Variants in ATP9B observed in about 807,000 individuals in gnomAD.
The protein encoded by ATP9B is ATPase phospholipid transporting 9B.
ATP9B carries 110 observed loss-of-function variants against 146.1 expected under a neutral mutation model. That is an observed-to-expected ratio of 0.75 (90% CI 0.65 to 0.88). The LOEUF (loss-of-function observed/expected upper bound fraction) is 0.88. ATP9B is among the 40% of genes least tolerant of loss of function. The probability of loss-of-function intolerance (pLI) is 0.00; values close to 1 mark genes in which losing one functional copy is unlikely to be tolerated. For missense variants in ATP9B, 1,499 were observed against 1,496.4 expected (o/e 1.00, Z -0.03); for synonymous variants, 604 against 569.7 (o/e 1.06, Z -0.86).
rs1473239751 is a variant in ATP9B, at chr18:79,284,962, C to A, written c.1411+7766C>A. On this transcript the variant is annotated intron_variant, in intron 13 of 29. Coordinates refer to ENST00000426216, the MANE Select transcript of ATP9B (RefSeq NM_198531.5). ...AAAGGACATGAACTCATCATTTTTT[C>A]TGGCTGCATAGTATTCCATGCTGTA... Among the ~76,000 whole-genome samples the A allele has an allele frequency of 7.0e-4, 106 of 152,226 alleles. 1 individual carries two copies. Among genetic ancestry groups the A allele is most frequent in the African/African-American group, 2.0e-3 (83 of 41,534 alleles).
intron 11 of ATP9B, among the ~76,000 whole-genome samples, chr18:79,233,299 A>C (rs1195383261): frequency 1.3e-5 from 2 of 152,134 alleles, no homozygotes; most frequent in Non-Finnish European, 2.9e-5. Flanking sequence ...GAAAAAAAAA[A>C]GATACAACTA....
At chr18:79,136,770 G>A (rs867815404) in intron 5 of ATP9B, among the ~76,000 whole-genome samples, 1 of 152,170 alleles carries the variant, frequency 6.6e-6, no homozygotes, top group Non-Finnish European at 1.5e-5. Context: ...ACCCAAGACC[G>A]AGTAATTTAT....
Position 79,373,936 on chromosome 18 carries a change from T to A in ATP9B, c.3109T>A (p.Ser1037Thr). Residue 1037 changes from serine (S) to threonine (T), a missense_variant, in exon 28 of 30, where the codon TCT becomes ACT. By Grantham distance (58) the Ser-to-Thr change is moderately conservative. Coordinates refer to ENST00000426216, the MANE Select transcript of ATP9B (RefSeq NM_198531.5). ...LMYGALVLFESEFVHVVAISF... is the reference protein window; with the variant it reads ...LMYGALVLFETEFVHVVAISF... ...GTATGGGGCCCTGGTGCTCTTCGAG[T>A]CTGAGTTCGTCCACGTGGTGGCCAT... The A allele has an allele frequency of 6.2e-7, 1 of 1,613,528 alleles. No individual in the cohort carries two copies. Among genetic ancestry groups the A allele is most frequent in the Non-Finnish European group, 8.5e-7 (1 of 1,180,024 alleles).
At chr18:79,177,270 CTG>C (rs1206000309) in intron 8 of ATP9B, among the ~76,000 whole-genome samples, 2 of 152,128 alleles carry the variant, frequency 1.3e-5, no homozygotes, top group Non-Finnish European at 2.9e-5. Flanking sequence ...GGTTGTCACT[CTG>C]TTGCCCAGAC....
chr18:79,178,580 G>T (rs2095211117), intron 8 of ATP9B, among the ~76,000 whole-genome samples: 1 of 152,018 alleles, frequency 6.6e-6, no homozygotes, highest in Admixed American at 6.6e-5. Flanking sequence ...ATCATGAATG[G>T]GTGTTAGATT....
At chr18:79,167,342 A>G (rs1166497622) in intron 7 of ATP9B, among the ~76,000 whole-genome samples, 1 of 152,198 alleles carries the variant, frequency 6.6e-6, no homozygotes, top group Non-Finnish European at 1.5e-5. Context: ...GCGACAGTAC[A>G]GCTCTCAGGA....
At chr18:79,162,095 A>G (rs1277519201) in intron 7 of ATP9B, among the ~76,000 whole-genome samples, 2 of 152,174 alleles carry the variant, frequency 1.3e-5, no homozygotes, top group Non-Finnish European at 1.5e-5. Context: ...ATTGCTTTTT[A>G]GTTTCAGTTT....
chr18:79,203,218 T>G (rs62101132), intron 9 of ATP9B, among the ~76,000 whole-genome samples: 2 of 125,284 alleles, frequency 1.6e-5, no homozygotes, highest in African/African-American at 3.1e-5. Context: ...ATGGAGGCAG[T>G]AGGACGTGGA....
chr18:79,296,148 T>C (rs2096546309), intron 13 of ATP9B, among the ~76,000 whole-genome samples: 1 of 152,166 alleles, frequency 6.6e-6, no homozygotes, highest in African/African-American at 2.4e-5. Flanking sequence ...CCCTAGTAGC[T>C]GGGACTGCAG....
At chr18:79,367,543 C>T (rs1363576331) in intron 26 of ATP9B, among the ~76,000 whole-genome samples, 3 of 151,342 alleles carry the variant, frequency 2.0e-5, no homozygotes, top group African/African-American at 7.4e-5. Flanking sequence ...CAGATATCTT[C>T]ACCTCCACCA....
chr18:79,146,973 A>T (rs779053556), intron 6 of ATP9B: 1 of 152,268 alleles, frequency 6.6e-6, no homozygotes, highest in East Asian at 1.9e-4. Context: ...AAGTCTCTTC[A>T]AATACAGTGA....
At position 79,163,370 on chromosome 18, in the gene ATP9B, T is replaced by C. The variant is rs146002079; in HGVS notation, c.778+8815T>C. Among the ~76,000 whole-genome samples, 608 of 152,344 alleles carry C rather than the reference T, an allele frequency of 4.0e-3. 2 individuals are homozygous for C. The highest frequency in any genetic ancestry group is 0.013 in the African/African-American group (558 of 41,578). ...AATAAGTTTACAGAAATTTAGATAT[T>C]TGTTTCACTTTTAGAAACACAGAAT... On this transcript the variant is annotated intron_variant, in intron 7 of 29. Coordinates refer to ENST00000426216, the MANE Select transcript of ATP9B (RefSeq NM_198531.5).
intron 29 of ATP9B, 36 bp downstream of exon 29, chr18:79,375,462 A>T (rs762917790): frequency 2.6e-5 from 42 of 1,600,468 alleles, no homozygotes; most frequent in Non-Finnish European, 3.4e-5. Flanking sequence ...AAAGTGTAGA[A>T]ATTTAGCCAA....
intron 9 of ATP9B, chr18:79,194,315 ATAT>A (rs1433305497): frequency 1.3e-5 from 2 of 152,210 alleles, no homozygotes; most frequent in African/African-American, 4.8e-5. Flanking sequence ...AGAATTTGAA[ATAT>A]TATTTGCTTT....
In ATP9B at chr18:79,258,865, C is replaced by CA. The variant is rs1266643794; in HGVS notation, c.1268+5325dup. Among the ~76,000 whole-genome samples, 6 of 152,310 alleles carry CA rather than the reference C, an allele frequency of 3.9e-5. No individual in the cohort carries two copies. The East Asian group carries it at 1.2e-3, about 29-fold the overall frequency. On this transcript the variant is annotated intron_variant, in intron 12 of 29. Coordinates refer to ENST00000426216, the MANE Select transcript of ATP9B (RefSeq NM_198531.5). ...ATGAGAACCGTTGATGTCAAAAGCACAGGACACTGATTTGGGAAATTAAAG... is the reference window on the plus strand; with the variant it reads ...ATGAGAACCGTTGATGTCAAAAGCACAAGGACACTGATTTGGGAAATTAAAG...
At position 79,373,916 on chromosome 18, in the gene ATP9B, G is replaced by T; in HGVS notation, c.3089G>T (p.Gly1030Val). 3.7e-6 allele frequency: 6 copies of T among 1,613,002 alleles called. No individual in the cohort carries two copies. The highest frequency in any genetic ancestry group is 5.1e-6 in the Non-Finnish European group (6 of 1,180,010). The stretch of plus-strand genomic sequence containing the variant: ...TTTTCAGGCGGCATCCTCATGTATG[G>T]GGCCCTGGTGCTCTTCGAGTCTGAG... ...SIYQGGILMY[G>V]ALVLFESEFV... The change falls in exon 28 of 30, where the codon GGG becomes GTG. Residue 1030 changes from glycine (G) to valine (V), a missense_variant. Gly to Val is a moderately radical substitution (Grantham distance 109, BLOSUM62 -3). Transcript: ENST00000426216.
intron 19 of ATP9B, chr18:79,340,426 G>A (rs949798831): frequency 1.3e-5 from 2 of 152,168 alleles, no homozygotes; most frequent in African/African-American, 2.4e-5. Flanking sequence ...TCATGATGAT[G>A]TGTCATACTC....
intron 12 of ATP9B, among the ~76,000 whole-genome samples, chr18:79,261,998 C>T (rs1300814999): frequency 1.3e-5 from 2 of 151,964 alleles, no homozygotes; most frequent in East Asian, 3.9e-4. Context: ...TTGTGATGGG[C>T]CATTCAGCTC....
chr18:79,203,289 C>T (rs1029735652), intron 9 of ATP9B, among the ~76,000 whole-genome samples: 12 of 151,714 alleles, frequency 7.9e-5, no homozygotes, highest in Non-Finnish European at 7.4e-5. Context: ...GGCAGGAGGC[C>T]CTGGAGGAGC....
Sources: gnomAD v4.1 joint callset for allele counts (sites outside exome capture counted in the v4.1 genomes callset) on GRCh38, gnomAD v4.1.1 for gene constraint, MANE v1.5 for transcripts, NCBI Gene and HGNC (gene_info 2026-07-23, HGNC 2026-07-21) for gene names.